Variants in ARB2A observed in about 807,000 individuals in gnomAD.
The protein encoded by ARB2A is cotranscriptional regulator ARB2A.
the ARB2A span, among the ~76,000 whole-genome samples, chr5:94,085,763 T>C: frequency 6.6e-6 from 1 of 152,114 alleles, no homozygotes; most frequent in Admixed American, 6.5e-5. Flanking sequence ...AAATATACTG[T>C]AGTACATTAA....
chr5:93,953,398 TGGCTCTGGCATACTGGTAGA>T, the ARB2A span, among the ~76,000 whole-genome samples: 2 of 152,206 alleles, frequency 1.3e-5, no homozygotes, highest in African/African-American at 4.8e-5. Flanking sequence ...TAGTATGCTA[TGGCTCTGGCATACTGGTAGA>T]GGTACTGCCT....
At chr5:93,678,986 T>A in the ARB2A span, among the ~76,000 whole-genome samples, 2 of 152,146 alleles carry the variant, frequency 1.3e-5, no homozygotes, top group Non-Finnish European at 1.5e-5. Flanking sequence ...ATATACCTAT[T>A]TGCACACTAC....
the ARB2A span, among the ~76,000 whole-genome samples, chr5:93,629,186 G>T: frequency 4.6e-5 from 7 of 152,140 alleles, no homozygotes; most frequent in African/African-American, 1.7e-4. Context: ...AGAGACGGCG[G>T]AATGGCCAAT....
chr5:93,858,170 A>G, the ARB2A span, among the ~76,000 whole-genome samples: 59 of 152,178 alleles, frequency 3.9e-4, no homozygotes, highest in Non-Finnish European at 7.8e-4. Context: ...AATTATGACA[A>G]CACATGTGAA....
the ARB2A span, among the ~76,000 whole-genome samples, chr5:94,008,208 T>TA: frequency 6.6e-6 from 1 of 152,142 alleles, no homozygotes; most frequent in Non-Finnish European, 1.5e-5. Context: ...TTTAGAAGTC[T>TA]AACACATTAG....
the ARB2A span, among the ~76,000 whole-genome samples, chr5:93,658,918 C>T: frequency 9.3e-6 from 1 of 108,060 alleles, no homozygotes; most frequent in African/African-American, 3.7e-5. Flanking sequence ...GTAGGGTGAC[C>T]AAAGGAAGCA....
the ARB2A span, among the ~76,000 whole-genome samples, chr5:93,956,413 A>G: frequency 1.3e-5 from 2 of 152,204 alleles, no homozygotes; most frequent in African/African-American, 4.8e-5. Context: ...CCATAAAATG[A>G]TAGGAATCCA....
chr5:93,834,253 AC>A, the ARB2A span, among the ~76,000 whole-genome samples: 2 of 152,206 alleles, frequency 1.3e-5, no homozygotes, highest in Admixed American at 6.5e-5. Context: ...CACATGTAGC[AC>A]CTAGTGTGAG....
At chr5:93,805,161 C>T in the ARB2A span, 1 of 984,518 alleles carries the variant, frequency 1.0e-6, no homozygotes, top group Admixed American at 6.2e-5. Context: ...CTAGAAATCA[C>T]CAATCTAAAT....
chr5:93,766,537 C>G, the ARB2A span, among the ~76,000 whole-genome samples: 208 of 152,124 alleles, frequency 1.4e-3, 6 homozygotes, highest in Admixed American at 5.9e-4. Context: ...AGTCAGGAAA[C>G]AACAGGTGCT....
At chr5:93,679,471 A>G in the ARB2A span, among the ~76,000 whole-genome samples, 1 of 152,142 alleles carries the variant, frequency 6.6e-6, no homozygotes, top group Non-Finnish European at 1.5e-5. Context: ...TAAAAATGAT[A>G]TACTTCAAAT....
chr5:93,886,037 T>C, the ARB2A span, among the ~76,000 whole-genome samples: 1 of 151,862 alleles, frequency 6.6e-6, no homozygotes, highest in Admixed American at 6.6e-5. Context: ...AAAACGCACT[T>C]ATCAAGAAGA....
the ARB2A span, among the ~76,000 whole-genome samples, chr5:93,937,945 T>A: frequency 6.6e-6 from 1 of 152,158 alleles, no homozygotes; most frequent in African/African-American, 2.4e-5. Flanking sequence ...ACCTTTCATT[T>A]AAAAAAATTT....
the ARB2A span, chr5:94,055,530 C>T: frequency 1.8e-6 from 1 of 563,110 alleles, no homozygotes; most frequent in Non-Finnish European, 2.2e-6. Flanking sequence ...AAATTCAACT[C>T]ACATAAAAAT....
chr5:94,042,549 C>T, the ARB2A span, among the ~76,000 whole-genome samples: 1 of 152,086 alleles, frequency 6.6e-6, no homozygotes, highest in Non-Finnish European at 1.5e-5. Context: ...TCATGATCCA[C>T]CCACCTCGGC....
At chr5:94,013,173 G>GT in the ARB2A span, among the ~76,000 whole-genome samples, 901 of 112,500 alleles carry the variant, frequency 8.0e-3, 5 homozygotes, top group African/African-American at 0.013. Flanking sequence ...TCAGTAAGTT[G>GT]TTTTTTTTTT....
the ARB2A span, among the ~76,000 whole-genome samples, chr5:94,064,230 T>C: frequency 6.6e-6 from 1 of 152,078 alleles, no homozygotes; most frequent in Non-Finnish European, 1.5e-5. Flanking sequence ...AAAGCTTCAA[T>C]AACAGGCTAG....
chr5:93,992,891 A>T, the ARB2A span, among the ~76,000 whole-genome samples: 2 of 152,078 alleles, frequency 1.3e-5, no homozygotes, highest in Non-Finnish European at 2.9e-5. Flanking sequence ...ACTATTAATT[A>T]CTAATACAAT....
the ARB2A span, among the ~76,000 whole-genome samples, chr5:93,676,957 C>T: frequency 1.3e-5 from 2 of 152,114 alleles, no homozygotes; most frequent in South Asian, 4.1e-4. Flanking sequence ...ACTGTGTTTT[C>T]CTTCTGTAAC....
Sources: allele counts gnomAD v4.1 joint callset (sites outside exome capture counted in the v4.1 genomes callset), GRCh38; gene constraint gnomAD v4.1.1; transcripts MANE v1.5; gene names NCBI Gene and HGNC (gene_info 2026-07-23, HGNC 2026-07-21).